The following PHLPP1 variants were observed in gnomAD, a reference collection of about 807,000 sequenced individuals.
PHLPP1 encodes the protein PH domain and leucine rich repeat protein phosphatase 1, also known as PH domain leucine-rich repeat-containing protein phosphatase 1.
PHLPP1 carries 42 observed loss-of-function variants against 117.2 expected under a neutral mutation model. The observed-to-expected ratio is 0.36, with a 90% CI of 0.28 to 0.46. PHLPP1 has a LOEUF of 0.46. Among genes scored for constraint, PHLPP1 ranks in the 20% least tolerant of loss-of-function variants. PHLPP1 has a pLI of 1.00. For synonymous variants in PHLPP1, 1,042 were observed against 970.7 expected (o/e 1.07, Z -1.37); for missense variants, 2,084 against 2,241.9 (o/e 0.93, Z 1.42).
intron 1 of PHLPP1, among the ~76,000 whole-genome samples, chr18:62,788,070 CAAT>C (rs1287031759): frequency 6.6e-6 from 1 of 152,128 alleles, no homozygotes; most frequent in East Asian, 1.9e-4. Flanking sequence ...TTGATTTTTT[CAAT>C]AATACATCAA....
chr18:62,878,100 C>T (rs906345823), intron 4 of PHLPP1, among the ~76,000 whole-genome samples: 7 of 152,190 alleles, frequency 4.6e-5, no homozygotes, highest in African/African-American at 1.7e-4. Flanking sequence ...GCCGTATTCT[C>T]TGAGCTTTAA....
At chr18:62,791,293 C>A (rs1188388083) in intron 1 of PHLPP1, among the ~76,000 whole-genome samples, 1 of 152,070 alleles carries the variant, frequency 6.6e-6, no homozygotes, top group Non-Finnish European at 1.5e-5. Flanking sequence ...AGGGTGGGAG[C>A]AGAAGCAGAG....
chr18:62,838,902 T>G lies in PHLPP1; in HGVS notation c.1892T>G (p.Val631Gly), dbSNP rs1340706503. 6.2e-7 allele frequency: 1 copy of G among 1,613,698 alleles called. No individual in the cohort carries two copies. Among genetic ancestry groups the G allele is most frequent in the Non-Finnish European group, 8.5e-7 (1 of 1,179,814 alleles). The change falls in exon 3 of 17, where the codon GTC (valine) becomes GGC (glycine). Residue 631 changes from valine (V) to glycine (G), a missense_variant. Physicochemically the swap from Val to Gly is moderately radical, Grantham distance 109. Transcript: ENST00000262719. Reference protein sequence around the residue: ...FTEYLRWLRQVSKVASQRISS... With the variant: ...FTEYLRWLRQGSKVASQRISS... The stretch of plus-strand genomic sequence containing the variant: ...GAATACTTAAGGTGGCTGCGACAAG[T>G]CTCCAAGGTAAGCAAGCACTTAATC...
chr18:62,888,458 T>C (rs1214307592), intron 4 of PHLPP1, among the ~76,000 whole-genome samples: 5 of 152,082 alleles, frequency 3.3e-5, no homozygotes, highest in African/African-American at 1.2e-4. Flanking sequence ...CCCAGTACTT[T>C]GGGAGGCTGA....
At chr18:62,931,077 G>C (rs986029497) in intron 10 of PHLPP1, among the ~76,000 whole-genome samples, 3 of 151,776 alleles carry the variant, frequency 2.0e-5, no homozygotes, top group African/African-American at 7.3e-5. Context: ...CGTGCCTGTA[G>C]TCCTAGCTAC....
At chr18:62,804,773 G>A (rs1913888963) in intron 1 of PHLPP1, among the ~76,000 whole-genome samples, 1 of 147,886 alleles carries the variant, frequency 6.8e-6, no homozygotes, top group South Asian at 2.1e-4. Flanking sequence ...CAGTGTGTGT[G>A]TGTATATATG....
At chr18:62,951,702 G>A (rs1326790611) in intron 12 of PHLPP1, among the ~76,000 whole-genome samples, 1 of 151,424 alleles carries the variant, frequency 6.6e-6, no homozygotes, top group Non-Finnish European at 1.5e-5. Context: ...TAAAAATAAT[G>A]GCTCTTTCCC....
intron 10 of PHLPP1, among the ~76,000 whole-genome samples, chr18:62,926,042 C>T (rs988642375): frequency 6.6e-5 from 10 of 152,212 alleles, no homozygotes; most frequent in South Asian, 2.1e-4. Context: ...ATAACATATA[C>T]ATCCCCTCTC....
chr18:62,971,548 C>T (rs115719424), intron 14 of PHLPP1, among the ~76,000 whole-genome samples: 1 of 152,120 alleles, frequency 6.6e-6, no homozygotes, highest in African/African-American at 2.4e-5. Context: ...GCCACCTTGT[C>T]CTCCTTCAGC....
At position 62,980,260 on chromosome 18, in the gene PHLPP1, C is replaced by G. The variant is rs1331671478; in HGVS notation, c.*829C>G. On this transcript the variant is annotated 3_prime_UTR_variant, in exon 17 of 17. Coordinates refer to ENST00000262719, the MANE Select transcript of PHLPP1 (RefSeq NM_194449.4). The stretch of plus-strand genomic sequence containing the variant: ...CCCTGAACCCATTTTCCTCCCCTGT[C>G]CCAGCCTTCCCACTTTGACAGACAC... The G allele has an allele frequency of 6.5e-6, 1 of 153,036 alleles. No homozygotes were observed. Among genetic ancestry groups the G allele is most frequent in the Non-Finnish European group, 1.5e-5 (1 of 68,194 alleles). The allele number at this position is 153,036 out of a possible 1,614,324, so 9.5% of individuals were successfully genotyped here. A position where few individuals can be genotyped will look rare whatever the true frequency, so the allele number is the denominator to read the frequency against.
chr18:62,959,338 T>C (rs1056313422), intron 13 of PHLPP1, among the ~76,000 whole-genome samples: 1 of 152,242 alleles, frequency 6.6e-6, no homozygotes, highest in Non-Finnish European at 1.5e-5. Flanking sequence ...AAAAGATCTT[T>C]ACAGTATATT....
intron 10 of PHLPP1, among the ~76,000 whole-genome samples, chr18:62,940,354 CTTTTTTTTTTTTT>C (rs66530466): frequency 1.5e-4 from 7 of 46,800 alleles, no homozygotes; most frequent in Admixed American, 3.2e-4. Flanking sequence ...TCTTTCTTTT[CTTTTTTTTTTTTT>C]TTTTTTTTTT....
intron 2 of PHLPP1, 87 bp from the exon 3 acceptor site, chr18:62,838,697 G>A: frequency 7.6e-7 from 1 of 1,315,756 alleles, no homozygotes; most frequent in Admixed American, 1.8e-5. Flanking sequence ...ATCCATGCAG[G>A]CTCCTTGATC....
rs1212747141 is a variant in PHLPP1, at chr18:62,716,717, C to G, written c.1034C>G (p.Ser345Cys). The G allele has an allele frequency of 7.3e-6, 11 of 1,501,744 alleles. No homozygotes were observed. The highest frequency in any genetic ancestry group is 8.8e-6 in the Non-Finnish European group (10 of 1,130,066). The allele number at this position is 1,501,744 out of a possible 1,614,324, so 93.0% of individuals were successfully genotyped here. The change falls in exon 1 of 17, where the codon TCC becomes TGC. Residue 345 changes from serine to cysteine, a missense_variant. Around this residue, in one of 2 missense-constraint regions of PHLPP1, gnomAD observed 719 missense variants for 636.0 expected, o/e 1.13. Coordinates refer to ENST00000262719, the MANE Select transcript of PHLPP1 (RefSeq NM_194449.4). This position sits in a 1 kb window ranked among gnomAD's most constrained non-coding sequence, Gnocchi z 5.7. ...CCCCGCGCCCCACGGCCTGTGGTCT[C>G]CGACACCGAGAGCTTCAGTCTGAGT... ...SSPRAPRPVV[S>C]DTESFSLSPS...
chr18:62,827,357 A>G (rs1914638406), intron 1 of PHLPP1, among the ~76,000 whole-genome samples: 1 of 152,216 alleles, frequency 6.6e-6, no homozygotes, highest in African/African-American at 2.4e-5. Context: ...TGGTATTGTC[A>G]GTGTTTATTA....
intron 12 of PHLPP1, among the ~76,000 whole-genome samples, chr18:62,951,504 G>T (rs1470292505): frequency 6.6e-6 from 1 of 152,190 alleles, no homozygotes; most frequent in Non-Finnish European, 1.5e-5. Context: ...GTCCTCAGAA[G>T]AAGTGATCTG....
At chr18:62,871,643 A>AT (rs1568145031) in intron 4 of PHLPP1, among the ~76,000 whole-genome samples, 7 of 133,510 alleles carry the variant, frequency 5.2e-5, no homozygotes, top group African/African-American at 8.4e-5. Context: ...TAGCTCTGAA[A>AT]ATTTTTTTTT....
At chr18:62,913,450 G>A (rs1482269770) in intron 8 of PHLPP1, among the ~76,000 whole-genome samples, 1 of 152,078 alleles carries the variant, frequency 6.6e-6, no homozygotes, top group African/African-American at 2.4e-5. Flanking sequence ...CATAAATAGT[G>A]CATAATTCCA....
At chr18:62,935,818 G>A (rs957713412) in intron 10 of PHLPP1, among the ~76,000 whole-genome samples, 2 of 151,976 alleles carry the variant, frequency 1.3e-5, no homozygotes, top group African/African-American at 4.8e-5. Flanking sequence ...AGCCTGGCCA[G>A]TGTGGCAAAA....
Sources: gnomAD v4.1 joint callset for allele counts (sites outside exome capture counted in the v4.1 genomes callset) on GRCh38, gnomAD v4.1.1 for gene constraint, gnomAD v4.1.1 regional missense constraint, Gnocchi (gnomAD v3.1) non-coding constraint, MANE v1.5 for transcripts, NCBI Gene and HGNC (gene_info 2026-07-23, HGNC 2026-07-21) for gene names.